Variants in ELP4 observed in about 807,000 individuals in gnomAD.
The protein encoded by ELP4 is elongator acetyltransferase complex subunit 4, also known as elongator complex protein 4.
Under a neutral mutation model 48.9 loss-of-function variants are expected in ELP4, and 51 were observed. The ratio of observed to expected loss-of-function variants is 1.04; its 90% confidence interval spans 0.83 to 1.32. The LOEUF is 1.32. ELP4 is among the 40% of genes most tolerant of loss of function. The pLI is 0.00. For missense variants in ELP4, 519 were observed against 514.6 expected (o/e 1.01, Z -0.08); for synonymous variants, 210 against 189.2 (o/e 1.11, Z -0.90).
intron 9 of ELP4, among the ~76,000 whole-genome samples, chr11:31,755,769 C>G (rs1947821114): frequency 6.6e-6 from 1 of 151,672 alleles, no homozygotes; most frequent in Non-Finnish European, 1.5e-5. Context: ...GGACCTGGAC[C>G]TGGTACCTAA....
At chr11:31,564,937 C>G (rs1056970261) in intron 3 of ELP4, among the ~76,000 whole-genome samples, 14 of 152,140 alleles carry the variant, frequency 9.2e-5, no homozygotes, top group Admixed American at 6.6e-5. Flanking sequence ...TTCTAGATCC[C>G]TGAGGAATCG....
At chr11:31,662,538 T>C (rs1406658199) in intron 9 of ELP4, 1 of 397,660 alleles carries the variant, frequency 2.5e-6, no homozygotes, top group Non-Finnish European at 4.4e-6. Flanking sequence ...CATCACTAAG[T>C]TGAGATCTTA....
At chr11:31,665,247 C>G (rs1228597259) in intron 9 of ELP4, among the ~76,000 whole-genome samples, 2 of 152,148 alleles carry the variant, frequency 1.3e-5, no homozygotes, top group African/African-American at 4.8e-5. Flanking sequence ...TACAGACCAT[C>G]CCTGGGAGGA....
intron 9 of ELP4, among the ~76,000 whole-genome samples, chr11:31,762,499 T>G (rs1947964405): frequency 6.6e-6 from 1 of 152,084 alleles, no homozygotes; most frequent in Admixed American, 6.5e-5. Context: ...CTTATTAAAA[T>G]AAAGACTTTC....
chr11:31,738,124 G>A (rs1221955368), intron 9 of ELP4, among the ~76,000 whole-genome samples: 5 of 151,440 alleles, frequency 3.3e-5, no homozygotes, highest in East Asian at 1.9e-4. Context: ...AGCCAGGCAC[G>A]GTGGCTCAAG....
At chr11:31,669,293 C>A (rs1343817857) in intron 9 of ELP4, among the ~76,000 whole-genome samples, 1 of 151,918 alleles carries the variant, frequency 6.6e-6, no homozygotes. Context: ...ACCATGTTGG[C>A]CAGAATGGTC....
At chr11:31,740,589 AT>A (rs932136064) in intron 9 of ELP4, among the ~76,000 whole-genome samples, 3 of 152,240 alleles carry the variant, frequency 2.0e-5, no homozygotes, top group African/African-American at 7.2e-5. Flanking sequence ...AGATATTAAT[AT>A]TATCGAAATG....
intron 3 of ELP4, among the ~76,000 whole-genome samples, chr11:31,570,247 G>A (rs911163716): frequency 5.3e-5 from 8 of 152,002 alleles, no homozygotes; most frequent in African/African-American, 9.7e-5. Context: ...GCAAACTAAC[G>A]CAGAAACAGA....
chr11:31,634,337 CAA>C (rs1248994002), intron 7 of ELP4: 1 of 151,472 alleles, frequency 6.6e-6, no homozygotes, highest in Admixed American at 6.6e-5. Flanking sequence ...CCATTCTAGA[CAA>C]GAGAGAAAAA....
intron 5 of ELP4, among the ~76,000 whole-genome samples, chr11:31,606,686 C>T (rs1344161170): frequency 6.6e-6 from 1 of 152,044 alleles, no homozygotes; most frequent in Non-Finnish European, 1.5e-5. Flanking sequence ...ATCTGAGTCA[C>T]AAAATAATAA....
chr11:31,606,343 G>C (rs904938777), intron 5 of ELP4, among the ~76,000 whole-genome samples: 1 of 151,936 alleles, frequency 6.6e-6, no homozygotes, highest in Non-Finnish European at 1.5e-5. Flanking sequence ...AAACAATAAA[G>C]CTAAGCCTTA....
chr11:31,637,217 A>C (rs1374819766), intron 7 of ELP4: 1 of 151,636 alleles, frequency 6.6e-6, no homozygotes, highest in Non-Finnish European at 1.5e-5. Context: ...GTTAATAGTT[A>C]ATTGGTGAGG....
At chr11:31,772,549 T>A (rs1230906217) in intron 9 of ELP4, among the ~76,000 whole-genome samples, 1 of 152,194 alleles carries the variant, frequency 6.6e-6, no homozygotes, top group African/African-American at 2.4e-5. Context: ...CCTGTCTTGT[T>A]CACACTGTTT....
chr11:31,660,439 G>C (rs1945530987), intron 9 of ELP4, among the ~76,000 whole-genome samples: 1 of 152,110 alleles, frequency 6.6e-6, no homozygotes, highest in Admixed American at 6.6e-5. Flanking sequence ...GTAAATAAAT[G>C]GGTAAACTTC....
At chr11:31,752,833 C>CAA (rs35352597) in intron 9 of ELP4, among the ~76,000 whole-genome samples, 4 of 92,718 alleles carry the variant, frequency 4.3e-5, no homozygotes, top group South Asian at 3.2e-4. Flanking sequence ...GACTCCATCT[C>CAA]AAAAAAAAAA....
intron 9 of ELP4, among the ~76,000 whole-genome samples, chr11:31,719,166 G>C (rs1191997669): frequency 6.6e-6 from 1 of 151,982 alleles, no homozygotes; most frequent in Admixed American, 6.6e-5. Context: ...AGGCTGAGGG[G>C]AGGATCTCTT....
At chr11:31,550,653 A>G (rs1956832976) in intron 3 of ELP4, among the ~76,000 whole-genome samples, 1 of 152,220 alleles carries the variant, frequency 6.6e-6, no homozygotes, top group East Asian at 1.9e-4. Context: ...AGATGGGCAC[A>G]TAATGATTTT....
At chr11:31,512,239 G>C (rs1447122904) in intron 1 of ELP4, 1 of 152,128 alleles carries the variant, frequency 6.6e-6, no homozygotes, top group Non-Finnish European at 1.5e-5. Flanking sequence ...GTAATATTGT[G>C]ATTATTGCCT....
At chr11:31,705,279 T>C (rs1363772767) in intron 9 of ELP4, among the ~76,000 whole-genome samples, 1 of 152,002 alleles carries the variant, frequency 6.6e-6, no homozygotes, top group Admixed American at 6.5e-5. Flanking sequence ...AGCTCAGGTC[T>C]CTCTTCCTCC....
Sources: gnomAD v4.1 joint callset for allele counts (sites outside exome capture counted in the v4.1 genomes callset) on GRCh38, gnomAD v4.1.1 for gene constraint, MANE v1.5 for transcripts, NCBI Gene and HGNC (gene_info 2026-07-23, HGNC 2026-07-21) for gene names.